AGFG1: variants seen among roughly 807,000 people sequenced by gnomAD.
AGFG1 encodes the protein ArfGAP with FG repeats 1.
AGFG1 carries 10 observed loss-of-function variants against 60.6 expected under a neutral mutation model. The observed-to-expected ratio is 0.16, with a 90% confidence interval of 0.10 to 0.28. The LOEUF (loss-of-function observed/expected upper bound fraction) is 0.28. Ranked by LOEUF, AGFG1 falls within the 10% of genes least tolerant of loss-of-function variation. AGFG1 has a pLI of 1.00. For synonymous variants in AGFG1, 247 were observed against 242.9 expected (o/e 1.02, Z -0.16); for missense variants, 537 against 676.5 (o/e 0.79, Z 2.29).
chr2:227,510,839 C>T (rs185770186), intron 2 of AGFG1: 12 of 152,304 alleles, frequency 7.9e-5, no homozygotes, highest in Admixed American at 2.0e-4. Context: ...AGTTGTTGCT[C>T]TCCTTCACAA....
chr2:227,524,058 T>C (rs1691905642), intron 4 of AGFG1, 133 bp downstream of exon 4: 5 of 933,198 alleles, frequency 5.4e-6, no homozygotes, highest in African/African-American at 1.7e-5. Flanking sequence ...TTGTTATACA[T>C]TAAGAAATTG....
chr2:227,516,466 C>T (rs573764909), intron 2 of AGFG1, among the ~76,000 whole-genome samples: 15 of 152,208 alleles, frequency 9.9e-5, no homozygotes, highest in African/African-American at 2.2e-4. Context: ...AAATTAGAGC[C>T]GATTAATAAC....
At position 227,554,479 on chromosome 2, in the gene AGFG1, C is replaced by G; in HGVS notation, c.1673C>G (p.Thr558Ser). 1 of 1,613,622 alleles carries G rather than the reference C, an allele frequency of 6.2e-7. No homozygotes were observed. The highest frequency in any genetic ancestry group is 8.5e-7 in the Non-Finnish European group (1 of 1,179,728). Residue 558 changes from threonine to serine, a missense_variant, in exon 13 of 13, where the codon ACC becomes AGC. Thr to Ser is a moderately conservative substitution (Grantham distance 58, BLOSUM62 1). Around this residue, in one of 4 missense-constraint regions of AGFG1, gnomAD observed 28 missense variants for 51.5 expected, o/e 0.54. Coordinates refer to ENST00000310078, the MANE Select transcript of AGFG1 (RefSeq NM_004504.5). ...TGQFPTGSSS[T>S]NPFL is the part of the protein sequence containing the mutation. ...CAATTTCCAACAGGAAGCTCATCAA[C>G]CAATCCTTTCTTATAGCCTTATATA...
At chr2:227,472,632 G>C (rs1690127940) in intron 1 of AGFG1, 44 bp downstream of exon 1, 1 of 1,540,940 alleles carries the variant, frequency 6.5e-7, no homozygotes, top group Non-Finnish European at 8.7e-7. Context: ...CTTCCCGGGA[G>C]GTGGGGGAGC....
intron 5 of AGFG1, among the ~76,000 whole-genome samples, chr2:227,526,918 C>A (rs867805294): frequency 6.6e-6 from 1 of 152,142 alleles, no homozygotes; most frequent in Non-Finnish European, 1.5e-5. Flanking sequence ...TCAGATTTAA[C>A]ATATTTGTTA....
chr2:227,543,648 A>C (rs1692557850), intron 10 of AGFG1, among the ~76,000 whole-genome samples: 1 of 152,196 alleles, frequency 6.6e-6, no homozygotes, highest in African/African-American at 2.4e-5. Context: ...TGGGATGAAG[A>C]GTTCTGTAGA....
chr2:227,532,958 C>T (rs915514069), intron 6 of AGFG1, among the ~76,000 whole-genome samples: 2 of 152,028 alleles, frequency 1.3e-5, no homozygotes, highest in South Asian at 2.1e-4. Context: ...CTATATGGTA[C>T]GGCATGATTT....
chr2:227,479,307 A>G (rs917464035), intron 1 of AGFG1, among the ~76,000 whole-genome samples: 1 of 152,214 alleles, frequency 6.6e-6, no homozygotes. Flanking sequence ...TCTGTTCCCT[A>G]TTCATTCATC....
At chr2:227,488,959 G>A (rs757168501) in intron 1 of AGFG1, among the ~76,000 whole-genome samples, 1 of 152,048 alleles carries the variant, frequency 6.6e-6, no homozygotes, top group African/African-American at 2.4e-5. Flanking sequence ...GACTACAGGC[G>A]TGCGACACCA....
At chr2:227,476,773 G>GT (rs1456671269) in intron 1 of AGFG1, among the ~76,000 whole-genome samples, 2 of 152,126 alleles carry the variant, frequency 1.3e-5, no homozygotes, top group Non-Finnish European at 2.9e-5. Context: ...TCAGGACCTT[G>GT]TGAGGTCACA....
In AGFG1 at chr2:227,512,239, C is replaced by T. The variant is rs117648123; in HGVS notation, c.262-7709C>T. ...GCATAAGTTCTAATTCTTGCTAGCA[C>T]ATTTTATAAAACCAAATGTTAAGAT... On this transcript the variant is annotated intron_variant, in intron 2 of 12. Transcript: ENST00000310078. 3.2e-4 allele frequency among the ~76,000 whole-genome samples: 49 copies of T among 152,272 alleles called. No homozygotes were observed. The East Asian group carries it at 9.3e-3, about 29-fold the overall frequency.
chr2:227,523,779 C>A lies in AGFG1; in HGVS notation c.394C>A (p.Gln132Lys). The part of the protein sequence containing the change: ...EKKRWYVPPE[Q>K]AKVVASVHAS... ...ATGTTTTAGGTATGTCCCGCCAGAA[C>A]AAGCCAAAGTCGTGGCATCAGTTCA... The change falls in exon 4 of 13, where the codon CAA (glutamine) becomes AAA (lysine). Residue 132 changes from glutamine to lysine, a missense_variant. Physicochemically the swap from Gln to Lys is moderately conservative, Grantham distance 53. This residue lies in a region of AGFG1 where 120 missense variants were observed against 198.5 expected (regional missense o/e 0.60). Coordinates refer to ENST00000310078, the MANE Select transcript of AGFG1 (RefSeq NM_004504.5). 4 of 1,612,580 alleles carry A rather than the reference C, an allele frequency of 2.5e-6. No individual in the cohort carries two copies. Among genetic ancestry groups the A allele is most frequent in the Non-Finnish European group, 3.4e-6 (4 of 1,179,036 alleles).
At chr2:227,535,576 A>G (rs1221018267) in intron 8 of AGFG1, among the ~76,000 whole-genome samples, 1 of 152,224 alleles carries the variant, frequency 6.6e-6, no homozygotes, top group Non-Finnish European at 1.5e-5. Context: ...AGGACATTAC[A>G]CTTGTAAAAA....
In AGFG1 at chr2:227,552,127, A is replaced by G; in HGVS notation, c.1537+10A>G. The G allele has an allele frequency of 3.1e-6, 5 of 1,614,078 alleles. No individual in the cohort carries two copies. Among genetic ancestry groups the G allele is most frequent in the Non-Finnish European group, 4.2e-6 (5 of 1,179,920 alleles). Reference sequence around the variant, plus strand: ...TCTCAACAGCCCAATGGTAAGATCTAACATTTGGCGAGCTGTAAGTTCATT... The same window carrying G: ...TCTCAACAGCCCAATGGTAAGATCTGACATTTGGCGAGCTGTAAGTTCATT... On this transcript the variant is annotated intron_variant, in intron 11 of 12. Transcript: ENST00000310078.
At chr2:227,545,071 T>C (rs1489291254) in intron 10 of AGFG1, among the ~76,000 whole-genome samples, 2 of 152,226 alleles carry the variant, frequency 1.3e-5, no homozygotes, top group Non-Finnish European at 2.9e-5. Context: ...TTGGTTCCAT[T>C]CTCCCCGTCA....
intron 2 of AGFG1, among the ~76,000 whole-genome samples, chr2:227,495,608 C>G (rs1690949319): frequency 6.6e-6 from 1 of 150,504 alleles, no homozygotes; most frequent in Admixed American, 6.6e-5. Context: ...ATGTCATGGG[C>G]AAATTATGGT....
intron 10 of AGFG1, among the ~76,000 whole-genome samples, chr2:227,537,307 C>G (rs891840508): frequency 6.6e-6 from 1 of 152,080 alleles, no homozygotes; most frequent in African/African-American, 2.4e-5. Context: ...TTGAACAGAG[C>G]AATTTAGATG....
intron 5 of AGFG1, 97 bp from the exon 6 acceptor site, chr2:227,530,994 A>G: frequency 4.4e-6 from 5 of 1,135,826 alleles, no homozygotes; most frequent in Non-Finnish European, 3.6e-6. Context: ...GTTTTGATAC[A>G]TAGAAACTTT....
chr2:227,531,783 T>TTA (rs1369286133), intron 6 of AGFG1, among the ~76,000 whole-genome samples: 2 of 152,074 alleles, frequency 1.3e-5, no homozygotes, highest in African/African-American at 4.8e-5. Context: ...TAGGCTGACA[T>TTA]TATACCTCTT....
Sources: gnomAD v4.1 joint callset for allele counts (sites outside exome capture counted in the v4.1 genomes callset) on GRCh38, gnomAD v4.1.1 for gene constraint, gnomAD v4.1.1 regional missense constraint, MANE v1.5 for transcripts, NCBI Gene and HGNC (gene_info 2026-07-23, HGNC 2026-07-21) for gene names.